The following TLK1 variants were observed in gnomAD, a reference collection of about 807,000 sequenced individuals.
The protein encoded by TLK1 is serine/threonine-protein kinase tousled-like 1.
Under a neutral mutation model 105.3 loss-of-function variants are expected in TLK1, and 24 were observed. The observed-to-expected ratio is 0.23, with a 90% confidence interval of 0.17 to 0.32. TLK1 has a LOEUF of 0.32. Among genes scored for constraint, TLK1 ranks in the 10% least tolerant of loss-of-function variants. The pLI, the probability that TLK1 is intolerant of heterozygous loss-of-function variation, is 1.00. For missense variants in TLK1, 558 were observed against 910.5 expected (o/e 0.61, Z 4.98); for synonymous variants, 321 against 310.4 (o/e 1.03, Z -0.36).
At chr2:171,094,100 C>T (rs6754315) in intron 2 of TLK1, among the ~76,000 whole-genome samples, 1 of 151,894 alleles carries the variant, frequency 6.6e-6, no homozygotes, top group Non-Finnish European at 1.5e-5. Context: ...GGAGAAATTA[C>T]GGTCAGAGCA....
intron 14 of TLK1, among the ~76,000 whole-genome samples, chr2:171,007,589 GTGCCCTTA>G (rs1444954040): frequency 6.6e-6 from 1 of 151,854 alleles, no homozygotes; most frequent in East Asian, 1.9e-4. Flanking sequence ...CTACTATAAT[GTGCCCTTA>G]TGCCCCTACC....
intron 1 of TLK1, among the ~76,000 whole-genome samples, chr2:171,198,470 C>T (rs1693319148): frequency 1.3e-5 from 2 of 152,086 alleles, no homozygotes; most frequent in Middle Eastern, 3.4e-3. Flanking sequence ...AATATTAGCC[C>T]ATTCAAAACT....
chr2:171,119,402 C>T (rs1260014506), intron 1 of TLK1, among the ~76,000 whole-genome samples: 1 of 152,176 alleles, frequency 6.6e-6, no homozygotes, highest in Admixed American at 6.5e-5. Flanking sequence ...TTCCCCATGG[C>T]CTTCTGTTTT....
chr2:171,068,165 A>G (rs1056355738), intron 3 of TLK1, among the ~76,000 whole-genome samples: 4 of 152,138 alleles, frequency 2.6e-5, no homozygotes, highest in Admixed American at 1.3e-4. Context: ...CACCTCTACT[A>G]AAAATACAAA....
chr2:171,017,505 G>A (rs1685262381), intron 12 of TLK1, among the ~76,000 whole-genome samples: 1 of 152,110 alleles, frequency 6.6e-6, no homozygotes, highest in Non-Finnish European at 1.5e-5. Flanking sequence ...AATTTTTACT[G>A]AGTCATAAAT....
intron 1 of TLK1, among the ~76,000 whole-genome samples, chr2:171,228,838 G>C (rs1449726971): frequency 6.6e-6 from 1 of 152,086 alleles, no homozygotes; most frequent in Non-Finnish European, 1.5e-5. Flanking sequence ...TGGTTGAACT[G>C]TAATTAAAAA....
chr2:171,019,308 G>C (rs978200503), intron 12 of TLK1, among the ~76,000 whole-genome samples: 2 of 152,114 alleles, frequency 1.3e-5, no homozygotes, highest in Non-Finnish European at 2.9e-5. Context: ...TAAAATTCCA[G>C]GTTAAAAATG....
At chr2:171,130,904 G>C (rs1454293036) in intron 1 of TLK1, among the ~76,000 whole-genome samples, 3 of 151,960 alleles carry the variant, frequency 2.0e-5, no homozygotes, top group African/African-American at 7.3e-5. Flanking sequence ...ATATAAATTA[G>C]CACATAATCC....
intron 7 of TLK1, 153 bp from the exon 8 acceptor site, chr2:171,054,006 T>C (rs920683358): frequency 2.6e-5 from 14 of 529,660 alleles, no homozygotes; most frequent in Non-Finnish European, 3.9e-5. Context: ...GCAGTTTTAA[T>C]AACTTCAAGT....
intron 1 of TLK1, among the ~76,000 whole-genome samples, chr2:171,220,800 T>C (rs1214902778): frequency 6.6e-6 from 1 of 151,916 alleles, no homozygotes. Flanking sequence ...CCAAGCCTCC[T>C]TCATTGCCCC....
chr2:170,994,451 T>C (rs984562239), intron 20 of TLK1, among the ~76,000 whole-genome samples: 17 of 151,574 alleles, frequency 1.1e-4, no homozygotes, highest in African/African-American at 3.9e-4. Flanking sequence ...ATTACACTCC[T>C]GGAAAAGCTA....
intron 11 of TLK1, among the ~76,000 whole-genome samples, chr2:171,039,801 G>C (rs1035972407): frequency 6.6e-6 from 1 of 152,072 alleles, no homozygotes; most frequent in Admixed American, 6.6e-5. Context: ...TCTAAAACCA[G>C]TAAAGATATC....
chr2:171,203,982 G>T (rs1216406865), intron 1 of TLK1, among the ~76,000 whole-genome samples: 1 of 151,996 alleles, frequency 6.6e-6, no homozygotes, highest in Admixed American at 6.6e-5. Context: ...AACCGGTGGG[G>T]GGCAGAGCTT....
intron 3 of TLK1, among the ~76,000 whole-genome samples, chr2:171,078,344 C>G (rs1558928759): frequency 6.6e-6 from 1 of 152,082 alleles, no homozygotes; most frequent in African/African-American, 2.4e-5. Context: ...TTGAGACCAG[C>G]CTGGCCAACA....
At chr2:171,006,081 A>G (rs1268340443) in intron 18 of TLK1, 66 bp downstream of exon 18, 43 of 1,385,378 alleles carry the variant, frequency 3.1e-5, no homozygotes, top group Non-Finnish European at 3.6e-5. Context: ...AAAAAAAAAC[A>G]CTAAATTATT....
intron 1 of TLK1, among the ~76,000 whole-genome samples, chr2:171,196,752 C>T (rs79856427): frequency 0.013 from 2,037 of 152,266 alleles, 56 homozygotes; most frequent in Admixed American, 0.06. Context: ...AGGCCATTGT[C>T]AGCCTGGTTC....
rs1553605633 is a variant in TLK1, at chr2:171,022,086, A to ACACACAC, written c.1236+6252_1236+6253insGTGTGTG. The stretch of plus-strand genomic sequence containing the variant: ...CCACCACACTCCAGCCTGGGCGAAA[A>ACACACAC]ACACACACACACACACACACACACA... On this transcript the variant is annotated intron_variant, in intron 12 of 20. Transcript: ENST00000431350. Among the ~76,000 whole-genome samples, 582 of 103,098 alleles carry ACACACAC rather than the reference A, an allele frequency of 5.6e-3. 3 individuals are homozygous for ACACACAC. Among genetic ancestry groups the ACACACAC allele is most frequent in the Non-Finnish European group, 8.9e-3 (413 of 46,246 alleles). 67.6% of individuals were successfully genotyped at this position (103,098 alleles called of 152,430 possible). A position where few individuals can be genotyped will look rare whatever the true frequency, so the allele number is the denominator to read the frequency against.
rs774923512 is a variant in TLK1 at position 171,013,318 on chromosome 2, CTTTTTTT to C, written c.1334+1526_1334+1532del. On this transcript the variant is annotated intron_variant, in intron 13 of 20. Transcript: ENST00000431350. The stretch of plus-strand genomic sequence containing the variant: ...ATGAGCTACCACACCTGGCCCCTCA[CTTTTTTT>C]TTTTTTTTTTTTTTTTTTTGGAGAC... Among the ~76,000 whole-genome samples, 32 of 74,150 alleles carry C rather than the reference CTTTTTTT, an allele frequency of 4.3e-4. 1 individual carries two copies. In the East Asian group the frequency reaches 5.0e-3, roughly 12 times the overall value. The allele number at this position is 74,150 out of a possible 152,430, so 48.6% of individuals were successfully genotyped here.
At chr2:171,131,986 G>T (rs1174973096) in intron 1 of TLK1, among the ~76,000 whole-genome samples, 1 of 152,176 alleles carries the variant, frequency 6.6e-6, no homozygotes, top group Non-Finnish European at 1.5e-5. Flanking sequence ...ACTGCTAAAT[G>T]AAAGATCTTA....
Sources: gnomAD v4.1 joint callset for allele counts (sites outside exome capture counted in the v4.1 genomes callset) on GRCh38, gnomAD v4.1.1 for gene constraint, MANE v1.5 for transcripts, NCBI Gene and HGNC (gene_info 2026-07-23, HGNC 2026-07-21) for gene names.